Variants in TCERG1L observed in about 807,000 individuals in gnomAD.
The protein encoded by TCERG1L is transcription elongation regulator 1-like protein.
A neutral mutation model predicts 56.3 loss-of-function variants in TCERG1L; 37 were observed. The ratio of observed to expected loss-of-function variants is 0.66; its 90% CI spans 0.51 to 0.87. TCERG1L has a LOEUF of 0.87. TCERG1L is among the 40% of genes least tolerant of loss of function. The probability of loss-of-function intolerance (pLI) is 0.00; values close to 1 mark genes in which losing one functional copy is unlikely to be tolerated. For synonymous variants in TCERG1L, 324 were observed against 326.3 expected (o/e 0.99, Z 0.08); for missense variants, 799 against 774.2 (o/e 1.03, Z -0.38).
chr10:131,183,613 C>T (rs35715938), intron 4 of TCERG1L, among the ~76,000 whole-genome samples: 13,648 of 152,168 alleles, frequency 0.09, 780 homozygotes, highest in East Asian at 0.2. Flanking sequence ...TACCTAAGAC[C>T]GCTCCCAGAA....
intron 4 of TCERG1L, among the ~76,000 whole-genome samples, chr10:131,241,358 G>A (rs1431677163): frequency 1.3e-5 from 2 of 152,142 alleles, no homozygotes; most frequent in African/African-American, 4.8e-5. Context: ...AGACAGGGAG[G>A]GATGACTCCT....
intron 11 of TCERG1L, among the ~76,000 whole-genome samples, chr10:131,094,600 G>C (rs568192118): frequency 5.3e-5 from 8 of 152,104 alleles, no homozygotes; most frequent in Admixed American, 2.0e-4. Context: ...CACATCTCTC[G>C]CAAGAAAAGC....
chr10:131,304,464 C>A (rs1222074348), intron 3 of TCERG1L, among the ~76,000 whole-genome samples: 1 of 151,886 alleles, frequency 6.6e-6, no homozygotes, highest in Non-Finnish European at 1.5e-5. Flanking sequence ...GAGGGACTGA[C>A]AGGACTGCAG....
rs2133542603 is a variant in TCERG1L, at chr10:131,260,130, T to C, written c.856+129A>G. The C allele has an allele frequency of 1.6e-6, 2 of 1,233,448 alleles. No individual in the cohort carries two copies. The highest frequency in any genetic ancestry group is 3.2e-5 in the East Asian group (1 of 31,646). 76.4% of individuals were successfully genotyped at this position (1,233,448 alleles called of 1,614,324 possible). ...CAAAGCCCAAACGGCCCCAGCCGAA[T>C]GTTTCCCTCAACCGGAGCCGGGCTT... On this transcript the variant is annotated intron_variant, in intron 4 of 11. Transcript: ENST00000368642. This position sits in a 1 kb window ranked among gnomAD's most constrained non-coding sequence, Gnocchi z 5.8.
chr10:131,186,691 G>A (rs1480016586), intron 4 of TCERG1L, among the ~76,000 whole-genome samples: 6 of 152,296 alleles, frequency 3.9e-5, no homozygotes, highest in Admixed American at 2.0e-4. Context: ...CCCTTTCCTC[G>A]TGCCTCTGGC....
rs562602804 is a variant in TCERG1L, at chr10:131,097,370, C to T, written c.1604+936G>A. Among the ~76,000 whole-genome samples the T allele has an allele frequency of 1.1e-4, 16 of 152,136 alleles. No homozygotes were observed. In the East Asian group the frequency reaches 1.2e-3, roughly 11 times the overall value. ...TTATTTATTTCTTTATTCTTTGAGA[C>T]GGAGACTCACTCTGTCGCCCAGGTT... On this transcript the variant is annotated intron_variant, in intron 11 of 11. Coordinates refer to ENST00000368642, the MANE Select transcript of TCERG1L (RefSeq NM_174937.4).
intron 3 of TCERG1L, among the ~76,000 whole-genome samples, chr10:131,262,444 C>T (rs866021486): frequency 1.3e-5 from 2 of 152,184 alleles, no homozygotes; most frequent in South Asian, 4.1e-4. Context: ...GGCTGATTTT[C>T]TCTCCTTTCT....
intron 10 of TCERG1L, among the ~76,000 whole-genome samples, chr10:131,102,598 T>A (rs1845314662): frequency 6.6e-6 from 1 of 152,334 alleles, no homozygotes; most frequent in South Asian, 2.1e-4. Context: ...TGGGGGCCCC[T>A]GGTCACAGAA....
intron 4 of TCERG1L, among the ~76,000 whole-genome samples, chr10:131,189,841 C>T (rs188136753): frequency 6.4e-4 from 98 of 152,214 alleles, no homozygotes; most frequent in African/African-American, 2.1e-3. Flanking sequence ...CCAACATCTG[C>T]TATTTTTTAT....
chr10:131,109,897 G>A (rs935808187), intron 9 of TCERG1L, among the ~76,000 whole-genome samples: 11 of 152,266 alleles, frequency 7.2e-5, no homozygotes, highest in African/African-American at 2.4e-4. Context: ...AGAGGAGGCG[G>A]TGTGGATGCA....
At chr10:131,151,561 T>A (rs1322844461) in intron 6 of TCERG1L, among the ~76,000 whole-genome samples, 1 of 152,176 alleles carries the variant, frequency 6.6e-6, no homozygotes, top group Non-Finnish European at 1.5e-5. Flanking sequence ...ACAGTCCCCT[T>A]CCTGGTTGCT....
chr10:131,253,809 A>C (rs1193675331), intron 4 of TCERG1L, among the ~76,000 whole-genome samples: 3 of 152,160 alleles, frequency 2.0e-5, no homozygotes, highest in Non-Finnish European at 2.9e-5. Flanking sequence ...ACGAGAGGTA[A>C]CTTTGTCCCA....
At chr10:131,297,210 G>C (rs1846704960) in intron 3 of TCERG1L, among the ~76,000 whole-genome samples, 1 of 152,004 alleles carries the variant, frequency 6.6e-6, no homozygotes, top group African/African-American at 2.4e-5. Flanking sequence ...GATGTCCTTT[G>C]TCAGTTTGCG....
At chr10:131,254,041 C>A (rs2133535837) in intron 4 of TCERG1L, among the ~76,000 whole-genome samples, 1 of 152,288 alleles carries the variant, frequency 6.6e-6, no homozygotes, top group South Asian at 2.1e-4. Flanking sequence ...CGTGCTGGAG[C>A]TGAGGCCTGA....
At position 131,191,540 on chromosome 10, in the gene TCERG1L, T is replaced by C. The variant is rs1237779802; in HGVS notation, c.857-24655A>G. On this transcript the variant is annotated intron_variant, in intron 4 of 11. Coordinates refer to ENST00000368642, the MANE Select transcript of TCERG1L (RefSeq NM_174937.4). The stretch of plus-strand genomic sequence containing the variant: ...CATGGTACTAGTAAAAGTAGGCACA[T>C]AGACCAATGGAACAGAATAGACAAC... Among the ~76,000 whole-genome samples the C allele has an allele frequency of 1.4e-5, 2 of 143,274 alleles. 1 individual carries two copies. The highest frequency in any genetic ancestry group is 3.1e-5 in the Non-Finnish European group (2 of 65,256). The allele number at this position is 143,274 out of a possible 152,430, so 94.0% of individuals were successfully genotyped here.
chr10:131,276,124 G>A (rs1263660436), intron 3 of TCERG1L, among the ~76,000 whole-genome samples: 1 of 152,186 alleles, frequency 6.6e-6, no homozygotes, highest in Non-Finnish European at 1.5e-5. Flanking sequence ...TCTATTCAAT[G>A]TGTGGCTTTC....
Position 131,166,865 on chromosome 10 carries a change from G to T in TCERG1L, c.877C>A (p.Arg293=). Residue 293 remains arginine, a synonymous_variant, in exon 5 of 12, where the codon CGA becomes AGA. Transcript: ENST00000368642. The stretch of plus-strand genomic sequence containing the variant: ...ATCAGGGCAGGAGGGCGGGCCACTC[G>T]GCCCCGCTCTGTCCTTGTATCTGTT... ...PVSDTRTERG[R]VARPPALMLR... The T allele has an allele frequency of 2.5e-6, 4 of 1,612,832 alleles. No homozygotes were observed. Among genetic ancestry groups the T allele is most frequent in the Non-Finnish European group, 3.4e-6 (4 of 1,179,860 alleles).
In TCERG1L at chr10:131,118,253, G is replaced by A. The variant is rs1845479237; in HGVS notation, c.1260-1319C>T. On this transcript the variant is annotated intron_variant, in intron 8 of 11. Coordinates refer to ENST00000368642, the MANE Select transcript of TCERG1L (RefSeq NM_174937.4). This position sits in a 1 kb window ranked among gnomAD's most constrained non-coding sequence, Gnocchi z 4.2. Reference sequence around the variant, plus strand: ...CCTACATTCTGGGAGCTCCCTAAGTGCTCGGAGATGTAGGAATGGCATGTA... The same window carrying A: ...CCTACATTCTGGGAGCTCCCTAAGTACTCGGAGATGTAGGAATGGCATGTA... Among the ~76,000 whole-genome samples, 1 of 152,202 alleles carries A rather than the reference G, an allele frequency of 6.6e-6. No homozygotes were observed. Among genetic ancestry groups the A allele is most frequent in the Non-Finnish European group, 1.5e-5 (1 of 68,040 alleles).
At chr10:131,116,542 T>C (rs1845460755) in intron 9 of TCERG1L, among the ~76,000 whole-genome samples, 1 of 152,126 alleles carries the variant, frequency 6.6e-6, no homozygotes, top group Non-Finnish European at 1.5e-5. Flanking sequence ...CCCCTCGGCC[T>C]CCACTCACTT....
Sources: allele counts gnomAD v4.1 joint callset (sites outside exome capture counted in the v4.1 genomes callset), GRCh38; gene constraint gnomAD v4.1.1; non-coding constraint Gnocchi (gnomAD v3.1); transcripts MANE v1.5; gene names NCBI Gene and HGNC (gene_info 2026-07-23, HGNC 2026-07-21).